SSBP3: variants seen among roughly 807,000 people sequenced by gnomAD.
The protein encoded by SSBP3 is single stranded DNA binding protein 3.
A neutral mutation model predicts 69.6 loss-of-function variants in SSBP3; 5 were observed. The ratio of observed to expected loss-of-function variants is 0.07; its 90% CI spans 0.04 to 0.15. The LOEUF is 0.15. SSBP3 is among the 10% of genes least tolerant of loss of function. SSBP3 has a pLI of 1.00. For synonymous variants in SSBP3, 196 were observed against 193.4 expected (o/e 1.01, Z -0.11); for missense variants, 312 against 534.0 (o/e 0.58, Z 4.10).
At chr1:54,243,519 G>C (rs1249344664) in intron 9 of SSBP3, among the ~76,000 whole-genome samples, 1 of 152,204 alleles carries the variant, frequency 6.6e-6, no homozygotes, top group African/African-American at 2.4e-5. Flanking sequence ...AACATTCAGT[G>C]CATTTTCAGG....
intron 5 of SSBP3, among the ~76,000 whole-genome samples, chr1:54,280,897 T>A (rs906243224): frequency 5.3e-5 from 8 of 152,112 alleles, no homozygotes; most frequent in African/African-American, 1.7e-4. Context: ...GCTTGTGGGA[T>A]GCTGTCTGTG....
At chr1:54,350,204 G>T (rs1475621907) in intron 4 of SSBP3, among the ~76,000 whole-genome samples, 2 of 152,204 alleles carry the variant, frequency 1.3e-5, no homozygotes, top group Non-Finnish European at 2.9e-5. Context: ...GGTGACCTGA[G>T]AACAGGTTGC....
Position 54,267,066 on chromosome 1 carries a change from G to A in SSBP3, c.367-8917C>T, listed in dbSNP as rs75933991. ...TGAGTTCTTTTGGCAGGTTCAAACC[G>A]TTTGGACCCTTTCCTGTGGTGTGAA... On this transcript the variant is annotated intron_variant, in intron 5 of 17. Transcript: ENST00000610401. 5.0e-3 allele frequency among the ~76,000 whole-genome samples: 761 copies of A among 152,290 alleles called. 3 individuals carry two copies. Among genetic ancestry groups the A allele is most frequent in the Middle Eastern group, 0.041 (12 of 294 alleles).
chr1:54,325,779 A>AT (rs1025088960), intron 4 of SSBP3, among the ~76,000 whole-genome samples: 1 of 152,232 alleles, frequency 6.6e-6, no homozygotes, highest in African/African-American at 2.4e-5. Context: ...ATGTCAATTC[A>AT]TTAGAGGCGC....
chr1:54,332,157 C>T (rs1455577485), intron 4 of SSBP3, among the ~76,000 whole-genome samples: 1 of 152,206 alleles, frequency 6.6e-6, no homozygotes, highest in Non-Finnish European at 1.5e-5. Context: ...TGTGAGCCTT[C>T]CCCTCAGTTC....
chr1:54,405,912 C>G lies in SSBP3; in HGVS notation c.56+41G>C, dbSNP rs780224930. On this transcript the variant is annotated intron_variant, in intron 1 of 17. Transcript: ENST00000610401. Reference sequence around the variant, plus strand: ...CCTCCCACCGCCCGCCCGCCCGCAGCCCGGCGGCGGCGCGGCCGCCACTTG... The same window carrying G: ...CCTCCCACCGCCCGCCCGCCCGCAGGCCGGCGGCGGCGCGGCCGCCACTTG... 5 of 1,240,658 alleles carry G rather than the reference C, an allele frequency of 4.0e-6. No individual in the cohort carries two copies. In the South Asian group the frequency reaches 7.0e-5, roughly 17 times the overall value. 76.9% of individuals were successfully genotyped at this position (1,240,658 alleles called of 1,614,324 possible). A position where few individuals can be genotyped will look rare whatever the true frequency, so the allele number is the denominator to read the frequency against.
chr1:54,385,151 G>C (rs191306866), intron 4 of SSBP3, among the ~76,000 whole-genome samples: 2 of 152,334 alleles, frequency 1.3e-5, no homozygotes, highest in African/African-American at 4.8e-5. Context: ...GCAGTGGGCA[G>C]TCCCTCCCCA....
In SSBP3 at chr1:54,337,552, C is replaced by A. The variant is rs888497484; in HGVS notation, c.277-56025G>T. 2.1e-4 allele frequency among the ~76,000 whole-genome samples: 26 copies of A among 121,416 alleles called. No individual in the cohort carries two copies. The South Asian group carries it at 2.8e-3, about 13-fold the overall frequency. The allele number at this position is 121,416 out of a possible 152,430, so 79.7% of individuals were successfully genotyped here. ...TCAGTCTGTTGCCCAGGCTGGAGTG[C>A]AGTGGCACCATCTCCGCTCACTGCA... On this transcript the variant is annotated intron_variant, in intron 4 of 17. Transcript: ENST00000610401.
intron 4 of SSBP3, among the ~76,000 whole-genome samples, chr1:54,394,733 G>T (rs1648740395): frequency 7.8e-6 from 1 of 128,370 alleles, no homozygotes; most frequent in Non-Finnish European, 1.6e-5. Context: ...GACGGAGTCT[G>T]GCTCTGTCCC....
chr1:54,226,682 TAAG>T, exon 18 of SSBP3: 1 of 150,678 alleles, frequency 6.6e-6, no homozygotes, highest in Admixed American at 6.6e-5. Flanking sequence ...TTTTTTTTTT[TAAG>T]AAGAAAGCAT....
At chr1:54,264,940 C>T (rs992159244) in intron 5 of SSBP3, among the ~76,000 whole-genome samples, 5 of 152,202 alleles carry the variant, frequency 3.3e-5, no homozygotes, top group Non-Finnish European at 5.9e-5. Flanking sequence ...GCGGTACTGG[C>T]GGCCTGTGTA....
chr1:54,352,007 C>T (rs965206144), intron 4 of SSBP3, among the ~76,000 whole-genome samples: 1 of 152,178 alleles, frequency 6.6e-6, no homozygotes, highest in African/African-American at 2.4e-5. Flanking sequence ...TGAAGACCCC[C>T]GATCTTGGCC....
At chr1:54,262,260 G>C (rs141764492) in intron 5 of SSBP3, among the ~76,000 whole-genome samples, 2,830 of 152,264 alleles carry the variant, frequency 0.019, 33 homozygotes, top group Non-Finnish European at 0.026. Flanking sequence ...TATTGCCAAG[G>C]AACTGAGGCT....
At chr1:54,261,613 G>T (rs1041891020) in intron 5 of SSBP3, among the ~76,000 whole-genome samples, 27 of 152,184 alleles carry the variant, frequency 1.8e-4, no homozygotes, top group Non-Finnish European at 2.1e-4. Context: ...CTCTGGTGAG[G>T]CTTCCACTTG....
exon 18 of SSBP3, chr1:54,227,110 A>C (rs752807208): frequency 2.6e-6 from 4 of 1,514,626 alleles, no homozygotes; most frequent in Non-Finnish European, 3.6e-6. Flanking sequence ...CTGCTCTCTC[A>C]GCGTCTCGGA....
At chr1:54,249,871 T>G (rs1343476494) in intron 9 of SSBP3, among the ~76,000 whole-genome samples, 1 of 151,852 alleles carries the variant, frequency 6.6e-6, no homozygotes, top group Non-Finnish European at 1.5e-5. Context: ...ATTTTACAGA[T>G]GCAGCCGCTG....
rs543365018 is a variant in SSBP3 at position 54,226,667 on chromosome 1, C to CTT, written c.*462_*463dup. On this transcript the variant is annotated 3_prime_UTR_variant, in exon 18 of 18. Coordinates refer to ENST00000610401, the Ensembl canonical transcript of SSBP3. ...TTTCCTTTTTTTTTTTTCCTTTTTC[C>CTT]TTTTTTTTTTTTTTTAAGAAGAAAG... The CTT allele has an allele frequency of 9.2e-3, 1,209 of 131,232 alleles. 11 individuals carry two copies. The highest frequency in any genetic ancestry group is 0.016 in the Middle Eastern group (4 of 252). The allele number at this position is 131,232 out of a possible 1,614,324, so 8.1% of individuals were successfully genotyped here. A position where few individuals can be genotyped will look rare whatever the true frequency, so the allele number is the denominator to read the frequency against.
intron 4 of SSBP3, among the ~76,000 whole-genome samples, chr1:54,306,304 G>A (rs977469591): frequency 2.0e-5 from 3 of 152,190 alleles, no homozygotes; most frequent in African/African-American, 7.2e-5. Context: ...TAAGCCCCAG[G>A]CTGGTGTCAG....
rs7543489 is a variant in SSBP3 at position 54,368,668 on chromosome 1, A to G, written c.276+33193T>C. On this transcript the variant is annotated intron_variant, in intron 4 of 17. Transcript: ENST00000610401. The stretch of plus-strand genomic sequence containing the variant: ...CCCTAGTACACTAGAAACTCTGAGA[A>G]GCCCTACACTAAAGAAGCTGCTTCA... Among the ~76,000 whole-genome samples the G allele has an allele frequency of 2.8e-3, 428 of 152,242 alleles. 2 individuals are homozygous for G. Among genetic ancestry groups the G allele is most frequent in the African/African-American group, 9.9e-3 (412 of 41,538 alleles).
Sources: allele counts gnomAD v4.1 joint callset (sites outside exome capture counted in the v4.1 genomes callset), GRCh38; gene constraint gnomAD v4.1.1; transcripts MANE v1.5; gene names NCBI Gene and HGNC (gene_info 2026-07-23, HGNC 2026-07-21).